The following ALK variants were observed in gnomAD, a reference collection of about 807,000 sequenced individuals.
ALK encodes ALK tyrosine kinase receptor.
ALK carries 74 observed loss-of-function variants against 163.1 expected under a neutral mutation model. The ratio of observed to expected loss-of-function variants is 0.45; its 90% CI spans 0.38 to 0.55. The LOEUF (loss-of-function observed/expected upper bound fraction) is 0.55, where lower values mean the gene tolerates loss of function less well. ALK is among the 20% of genes least tolerant of loss of function. The pLI is 0.00. For missense variants in ALK, 2,063 were observed against 2,105.3 expected (o/e 0.98, Z 0.39); for synonymous variants, 960 against 843.2 (o/e 1.14, Z -2.40).
intron 19 of ALK, among the ~76,000 whole-genome samples, chr2:29,224,961 T>C (rs1663905678): frequency 6.6e-6 from 1 of 152,236 alleles, no homozygotes; most frequent in Non-Finnish European, 1.5e-5. Flanking sequence ...GAGTTCTCTG[T>C]GACCTGCAGG....
intron 1 of ALK, among the ~76,000 whole-genome samples, chr2:29,853,285 C>T (rs1468716119): frequency 1.3e-5 from 2 of 152,146 alleles, no homozygotes; most frequent in African/African-American, 4.8e-5. Context: ...TGCAACATGC[C>T]CAAAGCCTAA....
rs781195250 is a variant in ALK at position 29,227,685 on chromosome 2, C to A, written c.2816-13G>T. The A allele has an allele frequency of 1.9e-6, 3 of 1,610,986 alleles. No individual in the cohort carries two copies. The African/African-American group carries it at 4.0e-5, about 22-fold the overall frequency. On this transcript the variant is annotated splice_polypyrimidine_tract_variant and intron_variant, in intron 16 of 28. Coordinates refer to ENST00000389048, the MANE Select transcript of ALK (RefSeq NM_004304.5). The surrounding 1 kb of genome is among the most constrained non-coding windows in gnomAD (Gnocchi z 4.4). Reference sequence around the variant, plus strand: ...GCTGCATTGCCGCCTGAGTAGCAAACCAGAGCAGAGTTTAACATGGGGGGT... The same window carrying A: ...GCTGCATTGCCGCCTGAGTAGCAAAACAGAGCAGAGTTTAACATGGGGGGT...
rs148356880 is a variant in ALK, at chr2:29,405,563, T to G, written c.1155-21704A>C. Among the ~76,000 whole-genome samples the G allele has an allele frequency of 2.4e-3, 371 of 152,298 alleles. 1 individual carries two copies. The highest frequency in any genetic ancestry group is 7.2e-3 in the African/African-American group (299 of 41,566). ...CAAAGAGAAATGCCAGGTATCAAGG[T>G]GCCACTGTGCAAACACAGCAAGGTC... is the stretch of plus-strand genomic sequence containing the variant. On this transcript the variant is annotated intron_variant, in intron 4 of 28. Coordinates refer to ENST00000389048, the MANE Select transcript of ALK (RefSeq NM_004304.5).
At chr2:29,226,478 CA>C (rs3028223) in intron 18 of ALK, among the ~76,000 whole-genome samples, 3,016 of 84,814 alleles carry the variant, frequency 0.036, 78 homozygotes, top group African/African-American at 0.12. Flanking sequence ...AACTCCGCCT[CA>C]AAAAAAAAAA....
intron 1 of ALK, among the ~76,000 whole-genome samples, chr2:29,754,877 C>G (rs1468680071): frequency 6.6e-6 from 1 of 152,074 alleles, no homozygotes; most frequent in Non-Finnish European, 1.5e-5. Flanking sequence ...GCTTCTACAT[C>G]CATTTGACAA....
At chr2:29,838,407 C>A (rs1481322617) in intron 1 of ALK, among the ~76,000 whole-genome samples, 1 of 152,066 alleles carries the variant, frequency 6.6e-6, no homozygotes, top group Admixed American at 6.6e-5. Context: ...AATGATGGCT[C>A]TACCAGGGCA....
At chr2:29,357,769 T>C (rs1458696785) in intron 5 of ALK, among the ~76,000 whole-genome samples, 1 of 152,044 alleles carries the variant, frequency 6.6e-6, no homozygotes, top group Non-Finnish European at 1.5e-5. Context: ...TTGCAGGAGG[T>C]AGGGGCCCTG....
intron 2 of ALK, among the ~76,000 whole-genome samples, chr2:29,697,983 G>A (rs1188614285): frequency 3.9e-5 from 6 of 152,122 alleles, no homozygotes; most frequent in African/African-American, 1.2e-4. Context: ...TTCAATTGTA[G>A]GAGAAAAGAA....
At chr2:29,411,417 T>G (rs1669722199) in intron 4 of ALK, among the ~76,000 whole-genome samples, 1 of 84,542 alleles carries the variant, frequency 1.2e-5, no homozygotes, top group South Asian at 5.6e-4. Flanking sequence ...ACGATGAACA[T>G]TCCTCTCTAT....
chr2:29,434,587 A>G (rs912259646), intron 4 of ALK, among the ~76,000 whole-genome samples: 8 of 152,214 alleles, frequency 5.3e-5, no homozygotes, highest in Non-Finnish European at 2.9e-5. Context: ...TGTTTCTTTG[A>G]CCTGGCTGTA....
chr2:29,653,913 T>G (rs944953939), intron 3 of ALK, among the ~76,000 whole-genome samples: 19 of 151,962 alleles, frequency 1.3e-4, no homozygotes, highest in Non-Finnish European at 2.5e-4. Context: ...AATACAAAAA[T>G]CAGCTGGGCA....
intron 1 of ALK, among the ~76,000 whole-genome samples, chr2:29,803,628 AAT>A (rs372737731): frequency 6.6e-6 from 1 of 152,298 alleles, no homozygotes; most frequent in African/African-American, 2.4e-5. Context: ...ATCACATGGC[AAT>A]TGTCTTTTTA....
intron 4 of ALK, among the ~76,000 whole-genome samples, chr2:29,444,470 A>G (rs927779195): frequency 2.0e-5 from 3 of 152,118 alleles, no homozygotes; most frequent in African/African-American, 7.2e-5. Flanking sequence ...GGATTGAACA[A>G]AGGAGGAGTG....
intron 5 of ALK, among the ~76,000 whole-genome samples, chr2:29,357,165 T>G (rs10495768): frequency 0.23 from 35,027 of 152,160 alleles, 4,224 homozygotes; most frequent in Middle Eastern, 0.3. Flanking sequence ...ACATGGGTTA[T>G]AGTGAGGAAT....
intron 9 of ALK, chr2:29,286,953 C>G (rs1468977025): frequency 6.7e-6 from 1 of 149,098 alleles, no homozygotes; most frequent in Non-Finnish European, 1.5e-5. Context: ...TCAAATCTAA[C>G]TCACTTCTTT....
At position 29,383,768 on chromosome 2, in the gene ALK, C is replaced by T. The variant is rs775917326; in HGVS notation, c.1246G>A (p.Ala416Thr). Reference protein sequence around the residue: ...YISSGNRSLSAVDFFALKNCS... With the variant: ...YISSGNRSLSTVDFFALKNCS... Reference sequence around the variant, plus strand: ...TTCTTCAGGGCAAAGAAGTCCACTGCAGACAAGCTGCGGTTTCCACTGGAG... The same window carrying T: ...TTCTTCAGGGCAAAGAAGTCCACTGTAGACAAGCTGCGGTTTCCACTGGAG... The change falls in exon 5 of 29, where the codon GCA becomes ACA. Residue 416 changes from alanine to threonine, a missense_variant. Coordinates refer to ENST00000389048, the MANE Select transcript of ALK (RefSeq NM_004304.5). 1.2e-6 allele frequency: 2 copies of T among 1,614,170 alleles called. No individual in the cohort carries two copies. Among genetic ancestry groups the T allele is most frequent in the Non-Finnish European group, 1.7e-6 (2 of 1,180,002 alleles).
chr2:29,862,183 A>T (rs898102109), intron 1 of ALK, among the ~76,000 whole-genome samples: 40 of 152,188 alleles, frequency 2.6e-4, no homozygotes, highest in African/African-American at 9.7e-4. Context: ...AATGGTGAAA[A>T]GTTGAACGTT....
intron 3 of ALK, among the ~76,000 whole-genome samples, chr2:29,640,644 C>A (rs1478094740): frequency 6.6e-6 from 1 of 152,146 alleles, no homozygotes; most frequent in Non-Finnish European, 1.5e-5. Context: ...TTAGGTATTT[C>A]TTTAGAACAA....
intron 1 of ALK, among the ~76,000 whole-genome samples, chr2:29,880,338 TGG>T: frequency 6.6e-6 from 1 of 152,224 alleles, no homozygotes; most frequent in Non-Finnish European, 1.5e-5. Context: ...AGGGCAGGAA[TGG>T]GGTGATGGTC....
Sources: allele counts gnomAD v4.1 joint callset (sites outside exome capture counted in the v4.1 genomes callset), GRCh38; gene constraint gnomAD v4.1.1; non-coding constraint Gnocchi (gnomAD v3.1); transcripts MANE v1.5; gene names NCBI Gene and HGNC (gene_info 2026-07-23, HGNC 2026-07-21).